DLGAP4: variants seen among roughly 807,000 people sequenced by gnomAD.
DLGAP4 encodes the protein DLG associated protein 4.
A neutral mutation model predicts 86.9 loss-of-function variants in DLGAP4; 18 were observed. That is an observed-to-expected ratio of 0.21 (90% CI 0.14 to 0.31). The LOEUF (loss-of-function observed/expected upper bound fraction) is 0.31, where lower values mean the gene tolerates loss of function less well. Ranked by LOEUF, DLGAP4 falls within the 10% of genes least tolerant of loss-of-function variation. DLGAP4 has a pLI of 1.00. For missense variants in DLGAP4, 1,085 were observed against 1,362.6 expected, an observed-to-expected ratio of 0.80 and a Z score of 3.21; for synonymous variants, 548 against 574.3, an observed-to-expected ratio of 0.95 and a Z score of 0.65.
In DLGAP4 at chr20:36,524,319, G is replaced by A. The variant is rs2275807; in HGVS notation, c.2582G>A (p.Arg861Gln). Reference sequence around the variant, plus strand: ...ATGTCCCAGAAATTCCAGCAGTTCCGGGGCCTCTGTGAGCAAAACTTGGTG... The same window carrying A: ...ATGTCCCAGAAATTCCAGCAGTTCCAGGGCCTCTGTGAGCAAAACTTGGTG... ...LLMSQKFQQF[R>Q]GLCEQNLNPD... is the part of the protein sequence containing the mutation. Residue 861 changes from arginine (R) to glutamine (Q), a missense_variant, in exon 11 of 13, where the codon CGG (arginine) becomes CAG (glutamine). Arg to Gln is a conservative substitution (Grantham distance 43). This residue lies in a region of DLGAP4 where 1,082 missense variants were observed against 1,344.1 expected (regional missense o/e 0.81). Coordinates refer to ENST00000339266, the MANE Select transcript of DLGAP4 (RefSeq NM_001365621.2). 387 of 1,613,398 alleles carry A rather than the reference G, an allele frequency of 2.4e-4. 6 individuals carry two copies. In the East Asian group the frequency reaches 7.9e-3, roughly 33 times the overall value.
At chr20:36,407,484 G>C (rs1361944654) in intron 2 of DLGAP4, among the ~76,000 whole-genome samples, 5 of 152,116 alleles carry the variant, frequency 3.3e-5, no homozygotes, top group Admixed American at 3.3e-4. Flanking sequence ...TGTCCTCAAG[G>C]GACTCAGAGT....
chr20:36,429,611 T>C (rs1005127152), intron 2 of DLGAP4, among the ~76,000 whole-genome samples: 1 of 151,688 alleles, frequency 6.6e-6, no homozygotes, highest in Non-Finnish European at 1.5e-5. Flanking sequence ...TTCACTGTGT[T>C]GGCCTGGGTG....
chr20:36,316,444 C>T (rs1373886071), intron 1 of DLGAP4, among the ~76,000 whole-genome samples: 1 of 152,194 alleles, frequency 6.6e-6, no homozygotes, highest in East Asian at 1.9e-4. Context: ...TCCTTCCCCA[C>T]AGTCTTTGCT....
rs2065008031 is a variant in DLGAP4, at chr20:36,306,899, G to A, written c.-304+387G>A. Among the ~76,000 whole-genome samples the A allele has an allele frequency of 6.6e-6, 1 of 152,258 alleles. No homozygotes were observed. Among genetic ancestry groups the A allele is most frequent in the South Asian group, 2.1e-4 (1 of 4,826 alleles). On this transcript the variant is annotated intron_variant, in intron 1 of 12. Coordinates refer to ENST00000339266, the MANE Select transcript of DLGAP4 (RefSeq NM_001365621.2). This position sits in a 1 kb window ranked among gnomAD's most constrained non-coding sequence, Gnocchi z 4.9. Reference sequence around the variant, plus strand: ...GCCTGGAAGCCCCCTCCTCAGGCCCGCCCCCTAATCCGCAGGGCGGCCTGG... The same window carrying A: ...GCCTGGAAGCCCCCTCCTCAGGCCCACCCCCTAATCCGCAGGGCGGCCTGG...
Position 36,528,185 on chromosome 20 carries a change from G to A in DLGAP4, c.*1154G>A, listed in dbSNP as rs1238699700. On this transcript the variant is annotated 3_prime_UTR_variant, in exon 13 of 13. Transcript: ENST00000339266. Reference sequence around the variant, plus strand: ...CCTCCCCCCGCCCCGCACTCCTAAGGGCCCATCTGCCCAGCCTCTGAGTTT... The same window carrying A: ...CCTCCCCCCGCCCCGCACTCCTAAGAGCCCATCTGCCCAGCCTCTGAGTTT... 1 of 149,550 alleles carries A rather than the reference G, an allele frequency of 6.7e-6. No individual in the cohort carries two copies. Among genetic ancestry groups the A allele is most frequent in the Non-Finnish European group, 1.5e-5 (1 of 67,492 alleles). 9.3% of individuals were successfully genotyped at this position (149,550 alleles called of 1,614,324 possible).
intron 7 of DLGAP4, among the ~76,000 whole-genome samples, chr20:36,456,821 G>A (rs564636019): frequency 7.4e-4 from 113 of 152,346 alleles, no homozygotes; most frequent in Admixed American, 1.3e-3. Context: ...CAAGACAGGG[G>A]CATTCTGTAT....
At chr20:36,383,571 T>G (rs1300705143) in intron 2 of DLGAP4, among the ~76,000 whole-genome samples, 1 of 152,000 alleles carries the variant, frequency 6.6e-6, no homozygotes, top group Non-Finnish European at 1.5e-5. Context: ...TGGGTTTTCC[T>G]AGTCAAGAAC....
At chr20:36,499,126 T>G in intron 8 of DLGAP4, 1 of 1,079,212 alleles carries the variant, frequency 9.3e-7, no homozygotes. Flanking sequence ...GATCTTTGCC[T>G]CAAGACAGCC....
At chr20:36,331,848 C>G (rs1358944506) in intron 1 of DLGAP4, among the ~76,000 whole-genome samples, 1 of 152,122 alleles carries the variant, frequency 6.6e-6, no homozygotes, top group Non-Finnish European at 1.5e-5. Context: ...GACATTTGAG[C>G]TGAGACCTGA....
chr20:36,395,799 C>T (rs2031930178), intron 2 of DLGAP4, among the ~76,000 whole-genome samples: 1 of 152,182 alleles, frequency 6.6e-6, no homozygotes, highest in Admixed American at 6.5e-5. Context: ...CTCGACCATG[C>T]TCAGAGCAGG....
chr20:36,521,491 A>G (rs909139816), intron 10 of DLGAP4, among the ~76,000 whole-genome samples: 11 of 152,162 alleles, frequency 7.2e-5, no homozygotes, highest in Non-Finnish European at 1.3e-4. Flanking sequence ...ACAGGTCCCC[A>G]CTGTCTACCC....
At chr20:36,514,097 A>T (rs923528516) in intron 10 of DLGAP4, among the ~76,000 whole-genome samples, 1 of 152,170 alleles carries the variant, frequency 6.6e-6, no homozygotes, top group Non-Finnish European at 1.5e-5. Flanking sequence ...AGCGGTGGAA[A>T]GGGAGGAATA....
intron 2 of DLGAP4, among the ~76,000 whole-genome samples, chr20:36,389,203 G>T (rs961246836): frequency 6.6e-6 from 1 of 152,168 alleles, no homozygotes; most frequent in African/African-American, 2.4e-5. Flanking sequence ...AGGATTCCAG[G>T]CCTGATGTGT....
At chr20:36,353,142 G>A (rs1396812180) in intron 1 of DLGAP4, among the ~76,000 whole-genome samples, 3 of 152,168 alleles carry the variant, frequency 2.0e-5, no homozygotes, top group African/African-American at 4.8e-5. Context: ...CATGGAAAAT[G>A]GGGAGAAGGG....
chr20:36,335,925 C>T (rs117960464), intron 1 of DLGAP4, among the ~76,000 whole-genome samples: 1 of 152,088 alleles, frequency 6.6e-6, no homozygotes, highest in Admixed American at 6.5e-5. Flanking sequence ...AACTCAGGGG[C>T]CTGCAGGACC....
At chr20:36,370,118 G>A (rs2030865451) in intron 2 of DLGAP4, among the ~76,000 whole-genome samples, 1 of 152,154 alleles carries the variant, frequency 6.6e-6, no homozygotes, top group Non-Finnish European at 1.5e-5. Context: ...TAAGGCTTGG[G>A]AGGCCAGGCA....
intron 1 of DLGAP4, among the ~76,000 whole-genome samples, chr20:36,319,317 G>A (rs1361001794): frequency 3.3e-5 from 5 of 152,054 alleles, no homozygotes; most frequent in East Asian, 3.9e-4. Context: ...AGTTTCCCCC[G>A]CTGTCCTCAG....
At chr20:36,433,091 C>T (rs1279624622) in intron 3 of DLGAP4, among the ~76,000 whole-genome samples, 4 of 152,192 alleles carry the variant, frequency 2.6e-5, no homozygotes, top group Admixed American at 2.6e-4. Context: ...ACAGGGATCA[C>T]ATCTGATGCA....
chr20:36,372,521 CTT>C (rs763253874), intron 2 of DLGAP4, among the ~76,000 whole-genome samples: 6 of 140,130 alleles, frequency 4.3e-5, no homozygotes, highest in South Asian at 2.3e-4. Flanking sequence ...CCAGGATTTG[CTT>C]TTTTTTTTTT....
Sources: gnomAD v4.1 joint callset for allele counts (sites outside exome capture counted in the v4.1 genomes callset) on GRCh38, gnomAD v4.1.1 for gene constraint, gnomAD v4.1.1 regional missense constraint, Gnocchi (gnomAD v3.1) non-coding constraint, MANE v1.5 for transcripts, NCBI Gene and HGNC (gene_info 2026-07-23, HGNC 2026-07-21) for gene names.